CSGALNACT1: variants seen among roughly 807,000 people sequenced by gnomAD.
CSGALNACT1 encodes the protein chondroitin sulfate N-acetylgalactosaminyltransferase 1.
Under a neutral mutation model 51.0 loss-of-function variants are expected in CSGALNACT1, and 52 were observed. The ratio of observed to expected loss-of-function variants is 1.02; its 90% CI spans 0.82 to 1.29. The LOEUF is 1.29. Among genes scored for constraint, CSGALNACT1 ranks in the 50% most tolerant of loss-of-function variants. The pLI is 0.00. For synonymous variants in CSGALNACT1, 341 were observed against 254.4 expected, an observed-to-expected ratio of 1.34 and a Z score of -3.24; for missense variants, 935 against 679.2, an observed-to-expected ratio of 1.38 and a Z score of -4.19.
rs1001973778 is a variant in CSGALNACT1, at chr8:19,458,738, G to C, written c.635-96C>G. On this transcript the variant is annotated intron_variant, in intron 4 of 9. Transcript: ENST00000454498. The stretch of plus-strand genomic sequence containing the variant: ...ATCTAGCACAGAATGCCTTTAAAAA[G>C]TGTTTAAGATGAAATCTCTCCAACA... The C allele has an allele frequency of 4.2e-5, 48 of 1,147,534 alleles. No individual in the cohort carries two copies. The African/African-American group carries it at 6.4e-4, about 15-fold the overall frequency. The allele number at this position is 1,147,534 out of a possible 1,614,324, so 71.1% of individuals were successfully genotyped here.
At chr8:19,583,444 C>T (rs1011611669) in intron 3 of CSGALNACT1, among the ~76,000 whole-genome samples, 9 of 152,080 alleles carry the variant, frequency 5.9e-5, no homozygotes, top group Admixed American at 4.6e-4. Context: ...AGAAAAAATC[C>T]TAAGCTGCAT....
chr8:19,630,384 C>T (rs1039380470), intron 1 of CSGALNACT1, among the ~76,000 whole-genome samples: 20 of 152,190 alleles, frequency 1.3e-4, no homozygotes, highest in African/African-American at 3.4e-4. Context: ...AGAAAAAGTA[C>T]AGAGTTCCCA....
Position 19,475,349 on chromosome 8 carries a change from G to A in CSGALNACT1, c.635-16707C>T, listed in dbSNP as rs554863599. On this transcript the variant is annotated intron_variant, in intron 4 of 9. Transcript: ENST00000454498. ...AGGTCTCACCATTTGCCACCACGAG[G>A]GTTTTGGGGTCTGTTTGGATCTTGG... 2.1e-3 allele frequency among the ~76,000 whole-genome samples: 318 copies of A among 152,276 alleles called. 4 individuals are homozygous for A. The highest frequency in any genetic ancestry group is 7.4e-3 in the African/African-American group (307 of 41,550).
chr8:19,655,717 G>A (rs1440757279), intron 1 of CSGALNACT1, among the ~76,000 whole-genome samples: 2 of 152,038 alleles, frequency 1.3e-5, no homozygotes, highest in Non-Finnish European at 2.9e-5. Context: ...CAACCCAGCT[G>A]CTAGTCTTTT....
chr8:19,701,013 T>C lies in CSGALNACT1; in HGVS notation c.-297+56837A>G, dbSNP rs147876915. ...TGCAGGAAGGAATGTAAAGAGAGCTTATTCAGCTTGCAGGTGCCTTTCTGA... is the reference window on the plus strand; with the variant it reads ...TGCAGGAAGGAATGTAAAGAGAGCTCATTCAGCTTGCAGGTGCCTTTCTGA... On this transcript the variant is annotated intron_variant, in intron 1 of 1. Coordinates refer to the CSGALNACT1 transcript ENST00000517494. Among the ~76,000 whole-genome samples, 212 of 152,190 alleles carry C rather than the reference T, an allele frequency of 1.4e-3. 1 individual carries two copies. The highest frequency in any genetic ancestry group is 5.1e-3 in the African/African-American group (211 of 41,520).
At chr8:19,418,424 G>A (rs1163446439) in intron 8 of CSGALNACT1, among the ~76,000 whole-genome samples, 3 of 152,188 alleles carry the variant, frequency 2.0e-5, no homozygotes, top group African/African-American at 4.8e-5. Flanking sequence ...ATGAAGGTGT[G>A]AAATTACCTC....
intron 9 of CSGALNACT1, among the ~76,000 whole-genome samples, chr8:19,406,664 A>C: frequency 6.9e-6 from 1 of 144,448 alleles, no homozygotes; most frequent in African/African-American, 2.5e-5. Flanking sequence ...CTTCTACACC[A>C]TCCCCACTTT....
intron 2 of CSGALNACT1, among the ~76,000 whole-genome samples, chr8:19,592,187 A>G (rs565371431): frequency 6.6e-6 from 1 of 152,354 alleles, no homozygotes; most frequent in East Asian, 1.9e-4. Flanking sequence ...TGTTAGTACT[A>G]GAGGGGAAAA....
chr8:19,635,344 T>G (rs1453493429), intron 1 of CSGALNACT1, among the ~76,000 whole-genome samples: 1 of 152,212 alleles, frequency 6.6e-6, no homozygotes, highest in African/African-American at 2.4e-5. Context: ...TACTCTTGCC[T>G]ACAGCATCTC....
intron 1 of CSGALNACT1, among the ~76,000 whole-genome samples, chr8:19,680,559 GCCCCAC>G (rs1369878638): frequency 4.4e-3 from 36 of 8,102 alleles, no homozygotes; most frequent in African/African-American, 0.012. Context: ...CTGCACCCTC[GCCCCAC>G]CCCCCCCCCC....
chr8:19,553,254 T>C (rs948378701), intron 3 of CSGALNACT1, among the ~76,000 whole-genome samples: 12 of 152,124 alleles, frequency 7.9e-5, no homozygotes, highest in East Asian at 1.9e-4. Flanking sequence ...ACCCCAAAGA[T>C]TGGTCCACTG....
At chr8:19,645,144 C>A (rs1400618361) in intron 1 of CSGALNACT1, among the ~76,000 whole-genome samples, 1 of 152,208 alleles carries the variant, frequency 6.6e-6, no homozygotes, top group Non-Finnish European at 1.5e-5. Flanking sequence ...GGCCTGCTCT[C>A]ACCAAGGCAG....
intron 6 of CSGALNACT1, among the ~76,000 whole-genome samples, chr8:19,421,070 T>C (rs1214077835): frequency 2.0e-5 from 3 of 152,218 alleles, no homozygotes; most frequent in African/African-American, 7.2e-5. Flanking sequence ...AATGACCAAC[T>C]TGCAGTTAGA....
chr8:19,606,700 G>T (rs530624273), upstream of CSGALNACT1, among the ~76,000 whole-genome samples: 5 of 151,878 alleles, frequency 3.3e-5, no homozygotes, highest in African/African-American at 1.2e-4. Context: ...CACTCAAGTG[G>T]GTCACCCTGC....
intron 1 of CSGALNACT1, among the ~76,000 whole-genome samples, chr8:19,608,193 T>C (rs1260098219): frequency 1.3e-5 from 2 of 152,178 alleles, no homozygotes; most frequent in Admixed American, 6.5e-5. Context: ...CCAAAGATGA[T>C]ACAATGATCA....
At chr8:19,458,109 C>T (rs1433103286) in intron 5 of CSGALNACT1, among the ~76,000 whole-genome samples, 2 of 152,158 alleles carry the variant, frequency 1.3e-5, no homozygotes, top group Non-Finnish European at 2.9e-5. Flanking sequence ...AGTCTTGGTT[C>T]CTGCTATCCC....
At chr8:19,431,877 C>T (rs2059702797) in intron 6 of CSGALNACT1, among the ~76,000 whole-genome samples, 3 of 151,844 alleles carry the variant, frequency 2.0e-5, no homozygotes, top group Admixed American at 2.0e-4. Flanking sequence ...TTGTATTCCT[C>T]TGTTCCCTCT....
chr8:19,708,317 G>A (rs2062300751), intron 1 of CSGALNACT1, among the ~76,000 whole-genome samples: 1 of 152,164 alleles, frequency 6.6e-6, no homozygotes, highest in African/African-American at 2.4e-5. Flanking sequence ...CATCACCTGG[G>A]ATGCCCATCA....
chr8:19,450,774 G>A (rs2063038619), intron 5 of CSGALNACT1, among the ~76,000 whole-genome samples: 1 of 152,020 alleles, frequency 6.6e-6, no homozygotes, highest in Non-Finnish European at 1.5e-5. Flanking sequence ...GCTGGATGTG[G>A]TGGCATGCAT....
Sources: allele counts gnomAD v4.1 joint callset (sites outside exome capture counted in the v4.1 genomes callset), GRCh38; gene constraint gnomAD v4.1.1; transcripts MANE v1.5; gene names NCBI Gene and HGNC (gene_info 2026-07-23, HGNC 2026-07-21).